SSH2: variants seen among roughly 807,000 people sequenced by gnomAD.
The protein encoded by SSH2 is protein phosphatase Slingshot homolog 2.
Under a neutral mutation model 135.2 loss-of-function variants are expected in SSH2, and 37 were observed. The observed-to-expected ratio is 0.27, with a 90% CI of 0.21 to 0.36. The LOEUF (loss-of-function observed/expected upper bound fraction) is 0.36. SSH2 is among the 10% of genes least tolerant of loss of function. The pLI is 1.00. For missense variants in SSH2, 1,408 were observed against 1,765.3 expected (o/e 0.80, Z 3.63); for synonymous variants, 628 against 646.2 (o/e 0.97, Z 0.43).
chr17:29,859,620 A>G (rs1376108412), intron 1 of SSH2, among the ~76,000 whole-genome samples: 2 of 152,134 alleles, frequency 1.3e-5, no homozygotes, highest in Non-Finnish European at 2.9e-5. Context: ...AAAGGACATA[A>G]TCTTGTTCTT....
At chr17:29,662,593 T>C (rs1014894906) in intron 11 of SSH2, among the ~76,000 whole-genome samples, 1 of 152,238 alleles carries the variant, frequency 6.6e-6, no homozygotes, top group Non-Finnish European at 1.5e-5. Context: ...ACACACCCTC[T>C]GTTTCTCTTC....
chr17:29,784,237 AGG>A (rs1372649809), intron 3 of SSH2, among the ~76,000 whole-genome samples: 2 of 149,912 alleles, frequency 1.3e-5, no homozygotes, highest in African/African-American at 4.9e-5. Flanking sequence ...AAATAAAAAT[AGG>A]CTGGGCGTGG....
At chr17:29,901,380 TC>T (rs2066551024) in intron 1 of SSH2, among the ~76,000 whole-genome samples, 2 of 152,192 alleles carry the variant, frequency 1.3e-5, no homozygotes. Flanking sequence ...AATTCCTGTT[TC>T]TAAACAAGTG....
At chr17:29,737,030 C>T (rs76574164) in intron 3 of SSH2, among the ~76,000 whole-genome samples, 109 of 124,566 alleles carry the variant, frequency 8.8e-4, no homozygotes, top group Middle Eastern at 5.2e-3. Context: ...ACCCAGGAGG[C>T]GGAGCTTGCA....
intron 1 of SSH2, among the ~76,000 whole-genome samples, chr17:29,897,082 T>C (rs1165198571): frequency 6.6e-6 from 1 of 151,804 alleles, no homozygotes; most frequent in African/African-American, 2.4e-5. Flanking sequence ...ACTTAAGTAG[T>C]TACAAAAGAA....
chr17:29,708,601 A>C (rs1275310790), intron 3 of SSH2, among the ~76,000 whole-genome samples: 2 of 151,604 alleles, frequency 1.3e-5, no homozygotes, highest in Non-Finnish European at 2.9e-5. Flanking sequence ...AAAAAAAAAA[A>C]AAAAAACAAA....
Position 29,629,419 on chromosome 17 carries a change from T to C in SSH2, c.*1422A>G, listed in dbSNP as rs1406534443. On this transcript the variant is annotated 3_prime_UTR_variant, in exon 16 of 16. Transcript: ENST00000540801. ...CACGCTGTGACCTAATGGGAGCCTT[T>C]AGGGGTGTCTCTGAGGAAAAAGTTA... The C allele has an allele frequency of 6.5e-6, 1 of 152,680 alleles. No homozygotes were observed. Among genetic ancestry groups the C allele is most frequent in the Non-Finnish European group, 1.5e-5 (1 of 68,040 alleles). The allele number at this position is 152,680 out of a possible 1,614,324, so 9.5% of individuals were successfully genotyped here.
intron 3 of SSH2, among the ~76,000 whole-genome samples, chr17:29,777,939 C>G (rs1029437775): frequency 4.0e-5 from 6 of 151,586 alleles, no homozygotes; most frequent in African/African-American, 1.5e-4. Context: ...CTCAAGAGTT[C>G]TTGACTGTCA....
At chr17:29,802,778 G>A (rs1388634223) in intron 2 of SSH2, among the ~76,000 whole-genome samples, 1 of 152,116 alleles carries the variant, frequency 6.6e-6, no homozygotes, top group Admixed American at 6.6e-5. Context: ...TACAGGTATT[G>A]GGGGTTAAGG....
At chr17:29,686,227 A>G (rs898187176) in intron 5 of SSH2, among the ~76,000 whole-genome samples, 4 of 152,178 alleles carry the variant, frequency 2.6e-5, no homozygotes, top group African/African-American at 4.8e-5. Context: ...TTTATTACAC[A>G]TATATTATAT....
In SSH2 at chr17:29,691,003, G is replaced by A. The variant is rs151075340; in HGVS notation, c.357+4456C>T. 1.2e-4 allele frequency among the ~76,000 whole-genome samples: 18 copies of A among 151,432 alleles called. No individual in the cohort carries two copies. In the East Asian group the frequency reaches 3.5e-3, roughly 29 times the overall value. On this transcript the variant is annotated intron_variant, in intron 5 of 15. Transcript: ENST00000540801. ...ATACATATTTAAAAAAAGAGTGGAAGGATACTTATCCAAATTGCTGAGAAC... is the reference window on the plus strand; with the variant it reads ...ATACATATTTAAAAAAAGAGTGGAAAGATACTTATCCAAATTGCTGAGAAC...
chr17:29,838,426 G>GTCCC (rs1228692186), intron 2 of SSH2, among the ~76,000 whole-genome samples: 2 of 152,232 alleles, frequency 1.3e-5, no homozygotes, highest in East Asian at 3.9e-4. Flanking sequence ...CCCTGGTGAA[G>GTCCC]TCCCACCTGC....
intron 3 of SSH2, among the ~76,000 whole-genome samples, chr17:29,778,571 C>T (rs192867069): frequency 3.1e-4 from 47 of 151,708 alleles, no homozygotes; most frequent in Admixed American, 3.0e-3. Context: ...ATCCAGGAGG[C>T]GGAGGTTGCA....
chr17:29,709,007 T>TAG (rs1349916086), intron 3 of SSH2, among the ~76,000 whole-genome samples: 1 of 105,656 alleles, frequency 9.5e-6, no homozygotes, highest in African/African-American at 3.2e-5. Context: ...TATATATATA[T>TAG]ATATATATAG....
chr17:29,771,118 G>A (rs750844191), intron 3 of SSH2, among the ~76,000 whole-genome samples: 3 of 152,110 alleles, frequency 2.0e-5, no homozygotes, highest in Non-Finnish European at 4.4e-5. Context: ...TTTATAGTAC[G>A]CTGTGACACT....
Position 29,700,343 on chromosome 17 carries a change from G to A in SSH2, c.292+2616C>T, listed in dbSNP as rs563913997. The stretch of plus-strand genomic sequence containing the variant: ...CCAAAATGATAAATAAGGTCTGCCA[G>A]TAGAAGAGAAGCATTAGGTTATCTT... On this transcript the variant is annotated intron_variant, in intron 4 of 15. Coordinates refer to ENST00000540801, the MANE Select transcript of SSH2 (RefSeq NM_001282129.2). Among the ~76,000 whole-genome samples the A allele has an allele frequency of 2.6e-5, 4 of 152,280 alleles. No individual in the cohort carries two copies. In the South Asian group the frequency reaches 8.3e-4, roughly 32 times the overall value.
At chr17:29,913,348 ATATATATATATATATAT>A (rs1381330419) in intron 1 of SSH2, among the ~76,000 whole-genome samples, 4 of 13,694 alleles carry the variant, frequency 2.9e-4, no homozygotes, top group African/African-American at 9.0e-4. Flanking sequence ...AAAAAAAAAA[ATATATATATATATATAT>A]ATATATATAT....
chr17:29,694,151 C>T (rs898918956), intron 5 of SSH2, among the ~76,000 whole-genome samples: 2 of 152,072 alleles, frequency 1.3e-5, no homozygotes. Context: ...CAAGACAATT[C>T]TTCTTTTTCC....
intron 3 of SSH2, among the ~76,000 whole-genome samples, chr17:29,752,356 G>A (rs1356060531): frequency 2.0e-5 from 3 of 152,068 alleles, no homozygotes; most frequent in Admixed American, 1.3e-4. Context: ...GAACTTAAGA[G>A]TACAGAAGTG....
Sources: gnomAD v4.1 joint callset for allele counts (sites outside exome capture counted in the v4.1 genomes callset) on GRCh38, gnomAD v4.1.1 for gene constraint, MANE v1.5 for transcripts, NCBI Gene and HGNC (gene_info 2026-07-23, HGNC 2026-07-21) for gene names.